The following USP39 variants were observed in gnomAD, a reference collection of about 807,000 sequenced individuals.
The protein encoded by USP39 is ubiquitin carboxyl-terminal hydrolase 39.
Under a neutral mutation model 66.4 loss-of-function variants are expected in USP39, and 38 were observed. The observed-to-expected ratio is 0.57, with a 90% CI of 0.44 to 0.75. The LOEUF (loss-of-function observed/expected upper bound fraction) is 0.75, where lower values mean the gene tolerates loss of function less well. Ranked by LOEUF, USP39 falls within the 30% of genes least tolerant of loss-of-function variation. The pLI, the probability that USP39 is intolerant of heterozygous loss-of-function variation, is 0.00. For missense variants in USP39, 608 were observed against 714.4 expected (o/e 0.85, Z 1.70); for synonymous variants, 303 against 274.6 (o/e 1.10, Z -1.02).
chr2:85,603,777 T>G (rs1451592281), intron 1 of USP39, among the ~76,000 whole-genome samples: 1 of 152,048 alleles, frequency 6.6e-6, no homozygotes, highest in Non-Finnish European at 1.5e-5. Context: ...GTATTTTTAG[T>G]AGAGACGGGG....
chr2:85,610,601 A>C (rs1393610520), upstream of USP39: 1 of 152,088 alleles, frequency 6.6e-6, no homozygotes, highest in Non-Finnish European at 1.5e-5. Flanking sequence ...CAATGAATTA[A>C]TATACGTAAG....
chr2:85,645,576 C>T (rs891161475), intron 11 of USP39, among the ~76,000 whole-genome samples: 10 of 152,164 alleles, frequency 6.6e-5, no homozygotes, highest in Non-Finnish European at 5.9e-5. Flanking sequence ...GCCACCGCGC[C>T]AACCGGGAGC....
At chr2:85,621,197 TTC>T (rs1558851369) in intron 2 of USP39, 1 of 233,224 alleles carries the variant, frequency 4.3e-6, no homozygotes, top group African/African-American at 2.2e-5. Flanking sequence ...ACTTGTAGCT[TTC>T]TCTCTAGAGA....
chr2:85,641,551 CT>C (rs1676230190), intron 10 of USP39, among the ~76,000 whole-genome samples: 1 of 152,114 alleles, frequency 6.6e-6, no homozygotes, highest in South Asian at 2.1e-4. Flanking sequence ...CTGCAAGATC[CT>C]TTTTGGGGGT....
Position 85,645,056 on chromosome 2 carries a change from C to T in USP39, c.1536C>T (p.Gly512=). The change falls in exon 11 of 13, where the codon GGC becomes GGT. Residue 512 remains glycine, a synonymous_variant. Transcript: ENST00000323701. ...TGCATGACGGCAAGCCCTCCGAGGG[C>T]TCCTACCGGATCCACGTGCTTCATC... ...NIVHDGKPSE[G]SYRIHVLHHG... The T allele has an allele frequency of 6.2e-7, 1 of 1,614,178 alleles. No homozygotes were observed. The highest frequency in any genetic ancestry group is 8.5e-7 in the Non-Finnish European group (1 of 1,180,032).
intron 9 of USP39, 166 bp downstream of exon 9, chr2:85,639,557 C>T (rs886239226): frequency 2.5e-5 from 15 of 601,714 alleles, no homozygotes; most frequent in Admixed American, 7.0e-5. Context: ...CAGTTTCAAG[C>T]GATTCTCCTG....
At chr2:85,625,404 C>T (rs868091417) in intron 4 of USP39, 135 bp from the exon 5 acceptor site, 8 of 1,097,066 alleles carry the variant, frequency 7.3e-6, no homozygotes, top group Non-Finnish European at 9.2e-6. Flanking sequence ...TTTACACCTA[C>T]TGGTTCGGAC....
chr2:85,636,167 C>T, intron 7 of USP39, 37 bp downstream of exon 7: 5 of 1,601,748 alleles, frequency 3.1e-6, no homozygotes, highest in African/African-American at 1.3e-5. Flanking sequence ...TTATTTTGTT[C>T]CCTTTTAAAA....
chr2:85,637,439 G>A lies in USP39; in HGVS notation c.1095+3G>A, dbSNP rs767451870. On this transcript the variant is annotated splice_donor_region_variant and intron_variant, in intron 8 of 12. Transcript: ENST00000323701. ...AAAAGCTTCCCCATCCTGATCTGGT[G>A]AGTTAATTGAGCCTGGGTCTTGGAC... 1 of 1,614,062 alleles carries A rather than the reference G, an allele frequency of 6.2e-7. No homozygotes were observed. The highest frequency in any genetic ancestry group is 1.1e-5 in the South Asian group (1 of 91,078).
At chr2:85,639,452 T>TTA in intron 9 of USP39, 61 bp downstream of exon 9, 18 of 1,477,950 alleles carry the variant, frequency 1.2e-5, no homozygotes, top group East Asian at 7.2e-5. Flanking sequence ...CTTTTTCATT[T>TTA]TCTTTTTTTT....
chr2:85,620,298 G>C (rs1674360828), intron 2 of USP39, among the ~76,000 whole-genome samples: 1 of 151,920 alleles, frequency 6.6e-6, no homozygotes, highest in South Asian at 2.1e-4. Context: ...GGGCAGCATG[G>C]CAAAACTTCA....
At chr2:85,605,904 T>C (rs1015194413) in intron 1 of USP39, among the ~76,000 whole-genome samples, 1 of 152,208 alleles carries the variant, frequency 6.6e-6, no homozygotes, top group African/African-American at 2.4e-5. Flanking sequence ...GCTCCAACTC[T>C]CATTTGGTAC....
At position 85,643,814 on chromosome 2, in the gene USP39, A is replaced by AT. The variant is rs1056475313; in HGVS notation, c.1428-1123dup. Among the ~76,000 whole-genome samples, 14 of 146,948 alleles carry AT rather than the reference A, an allele frequency of 9.5e-5. No homozygotes were observed. In the South Asian group the frequency reaches 1.1e-3, roughly 11 times the overall value. Reference sequence around the variant, plus strand: ...AGGTGCACGCCGCCACGCCCAGCTAATTTTTTTTTTTGTACTTTAGTAAAG... The same window carrying AT: ...AGGTGCACGCCGCCACGCCCAGCTAATTTTTTTTTTTTGTACTTTAGTAAAG... On this transcript the variant is annotated intron_variant, in intron 10 of 12. Transcript: ENST00000323701.
intron 1 of USP39, among the ~76,000 whole-genome samples, chr2:85,605,800 A>G (rs1277785329): frequency 6.6e-6 from 1 of 152,214 alleles, no homozygotes. Flanking sequence ...GATGGGGCCA[A>G]TCTCTAGTTG....
intron 1 of USP39, among the ~76,000 whole-genome samples, chr2:85,618,942 G>A (rs1032154454): frequency 2.0e-5 from 3 of 151,990 alleles, no homozygotes; most frequent in African/African-American, 4.8e-5. Context: ...GCTAATTTTT[G>A]TGTTTTTTGT....
At chr2:85,617,682 A>C (rs908403278) in intron 1 of USP39, among the ~76,000 whole-genome samples, 21 of 152,208 alleles carry the variant, frequency 1.4e-4, no homozygotes, top group African/African-American at 5.1e-4. Flanking sequence ...TTCTCTAAGC[A>C]CGGGGTTCGT....
At chr2:85,609,175 G>A (rs1673343326), upstream of USP39, 1 of 1,453,810 alleles carries the variant, frequency 6.9e-7, no homozygotes, top group Admixed American at 2.2e-5. Flanking sequence ...AAGGCTTTTT[G>A]CCAGCACCTG....
intron 12 of USP39, among the ~76,000 whole-genome samples, chr2:85,648,248 A>G (rs892524673): frequency 6.6e-6 from 1 of 152,186 alleles, no homozygotes; most frequent in Non-Finnish European, 1.5e-5. Context: ...GTGAGCAAAG[A>G]AAGTTGCGAT....
intron 1 of USP39, among the ~76,000 whole-genome samples, chr2:85,603,884 C>T (rs537959422): frequency 6.6e-6 from 1 of 152,296 alleles, no homozygotes; most frequent in East Asian, 1.9e-4. Context: ...TGGGCCACTG[C>T]GCCTGGCCCG....
Sources: allele counts gnomAD v4.1 joint callset (sites outside exome capture counted in the v4.1 genomes callset), GRCh38; gene constraint gnomAD v4.1.1; transcripts MANE v1.5; gene names NCBI Gene and HGNC (gene_info 2026-07-23, HGNC 2026-07-21).